Variants in ESYT2 observed in about 807,000 individuals in gnomAD.
ESYT2 encodes the protein extended synaptotagmin-2.
A neutral mutation model predicts 107.2 loss-of-function variants in ESYT2; 54 were observed. The ratio of observed to expected loss-of-function variants is 0.50; its 90% CI spans 0.40 to 0.63. The LOEUF (loss-of-function observed/expected upper bound fraction) is 0.63, where lower values mean the gene tolerates loss of function less well. ESYT2 is among the 30% of genes least tolerant of loss of function. The probability of loss-of-function intolerance (pLI) is 0.00; values close to 1 mark genes in which losing one functional copy is unlikely to be tolerated. For missense variants in ESYT2, 1,020 were observed against 1,094.5 expected, an observed-to-expected ratio of 0.93 and a Z score of 0.96; for synonymous variants, 491 against 434.1, an observed-to-expected ratio of 1.13 and a Z score of -1.63.
intron 6 of ESYT2, among the ~76,000 whole-genome samples, chr7:158,779,866 G>C (rs1838710825): frequency 6.6e-6 from 1 of 152,148 alleles, no homozygotes; most frequent in African/African-American, 2.4e-5. Context: ...TATGAACAAG[G>C]GGTTCTTGGC....
chr7:158,795,395 C>T (rs910817181), intron 3 of ESYT2, among the ~76,000 whole-genome samples: 2 of 152,206 alleles, frequency 1.3e-5, no homozygotes, highest in African/African-American at 4.8e-5. Flanking sequence ...TTAAATTATT[C>T]CTAAAATAAA....
chr7:158,813,635 A>G (rs1051046525), intron 1 of ESYT2, among the ~76,000 whole-genome samples: 4 of 152,268 alleles, frequency 2.6e-5, no homozygotes, highest in African/African-American at 9.6e-5. Flanking sequence ...ACTTGCACTA[A>G]AAGAAATACT....
At chr7:158,809,784 T>G (rs1427769181) in intron 1 of ESYT2, among the ~76,000 whole-genome samples, 1 of 152,218 alleles carries the variant, frequency 6.6e-6, no homozygotes, top group African/African-American at 2.4e-5. Flanking sequence ...TCACCAGGTT[T>G]TGGCCAATCA....
chr7:158,780,439 C>G (rs1291463635), intron 6 of ESYT2, among the ~76,000 whole-genome samples: 2 of 152,190 alleles, frequency 1.3e-5, no homozygotes, highest in African/African-American at 4.8e-5. Context: ...GATGAGGAAC[C>G]ATCTATAATC....
intron 6 of ESYT2, among the ~76,000 whole-genome samples, chr7:158,781,442 G>C (rs1024912005): frequency 3.4e-5 from 5 of 148,196 alleles, no homozygotes; most frequent in East Asian, 4.0e-4. Context: ...GTGTGAGTGT[G>C]AACAAGTGAT....
intron 8 of ESYT2, among the ~76,000 whole-genome samples, chr7:158,765,428 T>C (rs1464246841): frequency 6.6e-6 from 1 of 152,196 alleles, no homozygotes; most frequent in Non-Finnish European, 1.5e-5. Context: ...ATATGTATTA[T>C]TCATAGACTT....
intron 6 of ESYT2, among the ~76,000 whole-genome samples, chr7:158,776,235 T>C (rs1228476452): frequency 1.3e-5 from 2 of 152,160 alleles, no homozygotes; most frequent in Non-Finnish European, 2.9e-5. Context: ...GTCTTCAGAA[T>C]GGGAAATGAG....
rs1024651190 is a variant in ESYT2, at chr7:158,734,606, T to C, written c.2506-135A>G. On this transcript the variant is annotated intron_variant, in intron 21 of 22. Coordinates refer to ENST00000275418, the MANE Select transcript of ESYT2 (RefSeq NM_001367773.1). ...GAGTTTGAGACCAGCCTGGGCAAGA[T>C]AGTGAAACCTTGTCTCTATTAAAAG... 83 of 730,346 alleles carry C rather than the reference T, an allele frequency of 1.1e-4. No homozygotes were observed. The Middle Eastern group carries it at 1.2e-3, about 10-fold the overall frequency. The allele number at this position is 730,346 out of a possible 1,614,324, so 45.2% of individuals were successfully genotyped here.
In ESYT2 at chr7:158,788,341, T is replaced by C; in HGVS notation, c.657+4A>G. 1 of 1,602,056 alleles carries C rather than the reference T, an allele frequency of 6.2e-7. No homozygotes were observed. Among genetic ancestry groups the C allele is most frequent in the Non-Finnish European group, 8.5e-7 (1 of 1,176,598 alleles). The stretch of plus-strand genomic sequence containing the variant: ...AAATTAAAACAAAAAAACAAAAAAC[T>C]TACCTGGATACTTTTCACACCAGCT... On this transcript the variant is annotated splice_donor_region_variant and intron_variant, in intron 5 of 22. Coordinates refer to ENST00000275418, the MANE Select transcript of ESYT2 (RefSeq NM_001367773.1).
intron 6 of ESYT2, among the ~76,000 whole-genome samples, chr7:158,778,049 C>T (rs1186755346): frequency 6.6e-6 from 1 of 152,178 alleles, no homozygotes; most frequent in Non-Finnish European, 1.5e-5. Flanking sequence ...TGCCTATGAA[C>T]ACTTTCATCT....
chr7:158,764,940 G>A (rs577888824), intron 8 of ESYT2, 87 bp from the exon 9 acceptor site: 35 of 1,313,982 alleles, frequency 2.7e-5, no homozygotes, highest in African/African-American at 7.4e-5. Context: ...ACCCCGTCTC[G>A]AGAATTGGGA....
rs979478758 is a variant in ESYT2, at chr7:158,733,166, G to A, written c.*1041C>T. The A allele has an allele frequency of 6.6e-6, 1 of 152,238 alleles. No homozygotes were observed. The highest frequency in any genetic ancestry group is 1.5e-5 in the Non-Finnish European group (1 of 68,044). The allele number at this position is 152,238 out of a possible 1,614,324, so 9.4% of individuals were successfully genotyped here. A position where few individuals can be genotyped will look rare whatever the true frequency, so the allele number is the denominator to read the frequency against. ...TCGGCTCAAAGGTCCCACATCCTATGTGTGAGGTCACACTGGGGGTTCCTG... is the reference window on the plus strand; with the variant it reads ...TCGGCTCAAAGGTCCCACATCCTATATGTGAGGTCACACTGGGGGTTCCTG... On this transcript the variant is annotated 3_prime_UTR_variant, in exon 23 of 23. Coordinates refer to ENST00000275418, the MANE Select transcript of ESYT2 (RefSeq NM_001367773.1).
At position 158,804,412 on chromosome 7, in the gene ESYT2, A is replaced by C. The variant is rs190289728; in HGVS notation, c.331-5340T>G. On this transcript the variant is annotated intron_variant, in intron 1 of 22. Coordinates refer to ENST00000275418, the MANE Select transcript of ESYT2 (RefSeq NM_001367773.1). ...GTGACAAACCCAAACTGTTGAGAAA[A>C]GTGAGGCACGTGACAAACCCAAACT... is the stretch of plus-strand genomic sequence containing the variant. 3.3e-5 allele frequency among the ~76,000 whole-genome samples: 4 copies of C among 120,298 alleles called. No individual in the cohort carries two copies. In the South Asian group the frequency reaches 1.2e-3, roughly 36 times the overall value. 78.9% of individuals were successfully genotyped at this position (120,298 alleles called of 152,430 possible).
intron 1 of ESYT2, among the ~76,000 whole-genome samples, chr7:158,814,459 A>G (rs960158107): frequency 1.3e-5 from 2 of 151,064 alleles, no homozygotes; most frequent in African/African-American, 2.4e-5. Flanking sequence ...AAAAATATAC[A>G]TTACTCGTCC....
intron 7 of ESYT2, among the ~76,000 whole-genome samples, chr7:158,772,936 T>C (rs971998776): frequency 1.7e-4 from 26 of 150,404 alleles, no homozygotes; most frequent in Admixed American, 1.3e-3. Context: ...AGCCATAGGC[T>C]GGAGAGACCC....
intron 6 of ESYT2, among the ~76,000 whole-genome samples, chr7:158,784,804 C>G (rs1839050861): frequency 6.6e-6 from 1 of 152,112 alleles, no homozygotes; most frequent in Admixed American, 6.5e-5. Context: ...TTCCATTTTA[C>G]AGAGGAAGAA....
At chr7:158,751,605 A>G (rs1837586107) in intron 14 of ESYT2, among the ~76,000 whole-genome samples, 1 of 149,698 alleles carries the variant, frequency 6.7e-6, no homozygotes, top group Admixed American at 6.6e-5. Context: ...TTAATAATAT[A>G]ACAATTATAA....
chr7:158,758,664 T>C (rs994386900), intron 13 of ESYT2, among the ~76,000 whole-genome samples: 23 of 152,260 alleles, frequency 1.5e-4, no homozygotes, highest in African/African-American at 5.5e-4. Context: ...AAAGCGGCTG[T>C]GGACACGATG....
At chr7:158,757,584 T>C (rs117590944) in intron 13 of ESYT2, among the ~76,000 whole-genome samples, 14 of 143,300 alleles carry the variant, frequency 9.8e-5, no homozygotes, top group South Asian at 9.5e-4. Flanking sequence ...ATCCCAGAGC[T>C]CGCGGGACGC....
Sources: allele counts gnomAD v4.1 joint callset (sites outside exome capture counted in the v4.1 genomes callset), GRCh38; gene constraint gnomAD v4.1.1; transcripts MANE v1.5; gene names NCBI Gene and HGNC (gene_info 2026-07-23, HGNC 2026-07-21).